The following PTPN12 variants were observed in gnomAD, a reference collection of about 807,000 sequenced individuals.
PTPN12 encodes the protein tyrosine-protein phosphatase non-receptor type 12.
PTPN12 carries 29 observed loss-of-function variants against 97.6 expected under a neutral mutation model. The ratio of observed to expected loss-of-function variants is 0.30; its 90% CI spans 0.22 to 0.41. The LOEUF (loss-of-function observed/expected upper bound fraction) is 0.41, where lower values mean the gene tolerates loss of function less well. PTPN12 is among the 10% of genes least tolerant of loss of function. The pLI, the probability that PTPN12 is intolerant of heterozygous loss-of-function variation, is 1.00. For missense variants in PTPN12, 819 were observed against 926.0 expected, an observed-to-expected ratio of 0.88 and a Z score of 1.50; for synonymous variants, 327 against 300.4, an observed-to-expected ratio of 1.09 and a Z score of -0.91.
intron 1 of PTPN12, among the ~76,000 whole-genome samples, chr7:77,540,124 A>G (rs1460372633): frequency 3.9e-5 from 6 of 152,324 alleles, no homozygotes; most frequent in East Asian, 1.9e-4. Flanking sequence ...GCGGGCCATC[A>G]GGACAGGTTG....
chr7:77,576,292 T>C (rs750294174), intron 2 of PTPN12, among the ~76,000 whole-genome samples: 3 of 152,226 alleles, frequency 2.0e-5, no homozygotes, highest in Non-Finnish European at 2.9e-5. Flanking sequence ...CATACAACTC[T>C]CTGTGTGGAC....
chr7:77,594,750 C>T (rs1393348237), intron 6 of PTPN12, among the ~76,000 whole-genome samples: 4 of 152,120 alleles, frequency 2.6e-5, no homozygotes, highest in Admixed American at 6.6e-5. Context: ...GCAGTTTGCC[C>T]GCCTTGGCCT....
Position 77,592,202 on chromosome 7 carries a change from T to C in PTPN12, c.438T>C (p.Tyr146=), listed in dbSNP as rs1304150268. 6.2e-7 allele frequency: 1 copy of C among 1,605,514 alleles called. No homozygotes were observed. Among genetic ancestry groups the C allele is most frequent in the Non-Finnish European group, 8.5e-7 (1 of 1,177,842 alleles). The change falls in exon 6 of 18, where the codon TAT becomes TAC. Residue 146 remains tyrosine (Y), a synonymous_variant. Transcript: ENST00000248594. ...GATGACAGAAAAAATGTGAGCGCTA[T>C]TGGCCTTTGTATGGAGAAGACCCCA... is the stretch of plus-strand genomic sequence containing the variant. The part of the protein sequence containing the change: ...FEMGRKKCER[Y]WPLYGEDPIT...
At chr7:77,537,680 C>T (rs1314857746) in intron 1 of PTPN12, 35 bp downstream of exon 1, 2 of 1,550,948 alleles carry the variant, frequency 1.3e-6, no homozygotes, top group Non-Finnish European at 1.7e-6. Context: ...GTTTTCTTGC[C>T]GGCGCCGGAG....
In PTPN12 at chr7:77,632,350, G is replaced by A. The variant is rs1777048673; in HGVS notation, c.1999G>A (p.Val667Ile). 6.3e-7 allele frequency: 1 copy of A among 1,596,900 alleles called. No homozygotes were observed. The highest frequency in any genetic ancestry group is 2.2e-5 in the East Asian group (1 of 44,756). ...GTTHSGAEKD[V>I]DVSEDSPPPL... ...AAATTTTTATGTGTTTAATTTAGAT[G>A]TTGATGTTAGTGAAGATTCACCTCC... Residue 667 changes from valine to isoleucine, a missense_variant and splice_region_variant, in exon 14 of 18, where the codon GTT (valine) becomes ATT (isoleucine). Physicochemically the swap from Val to Ile is conservative, Grantham distance 29. Coordinates refer to ENST00000248594, the MANE Select transcript of PTPN12 (RefSeq NM_002835.4).
rs558786390 is a variant in PTPN12 at position 77,620,764 on chromosome 7, A to G, written c.1025+2199A>G. On this transcript the variant is annotated intron_variant, in intron 12 of 17. Transcript: ENST00000248594. ...GGAGTTTAAGACCAGCCTGATCAAT[A>G]TGGTGAAACCCCGTCTCTACTAAAA... 2.0e-5 allele frequency among the ~76,000 whole-genome samples: 3 copies of G among 151,984 alleles called. No homozygotes were observed. The South Asian group carries it at 6.2e-4, about 32-fold the overall frequency.
intron 2 of PTPN12, 51 bp downstream of exon 2, chr7:77,571,237 TTGTAAC>T: frequency 2.7e-6 from 3 of 1,120,642 alleles, no homozygotes; most frequent in South Asian, 1.4e-5. Context: ...AATTAGCCTT[TTGTAAC>T]CTAACTAGTT....
At chr7:77,625,508 T>TCACTCTCACTCGCG (rs1789125333) in intron 12 of PTPN12, among the ~76,000 whole-genome samples, 1 of 108,958 alleles carries the variant, frequency 9.2e-6, no homozygotes, top group Non-Finnish European at 1.9e-5. Flanking sequence ...TCTCTCTCTC[T>TCACTCTCACTCGCG]CTCTCTCTCT....
At chr7:77,606,710 A>G (rs1265543802) in intron 8 of PTPN12, among the ~76,000 whole-genome samples, 1 of 152,268 alleles carries the variant, frequency 6.6e-6, no homozygotes, top group Non-Finnish European at 1.5e-5. Context: ...ATGCTGCACC[A>G]TTCTGAGAAG....
intron 5 of PTPN12, among the ~76,000 whole-genome samples, chr7:77,587,254 T>C (rs1440306612): frequency 2.0e-5 from 3 of 152,150 alleles, no homozygotes; most frequent in African/African-American, 7.2e-5. Context: ...AACTCAAAAT[T>C]ACTCCTTGAT....
At chr7:77,614,503 A>C (rs1178382961) in intron 11 of PTPN12, among the ~76,000 whole-genome samples, 1 of 152,198 alleles carries the variant, frequency 6.6e-6, no homozygotes, top group Non-Finnish European at 1.5e-5. Context: ...ACCTCATTGC[A>C]TGGTACATAG....
chr7:77,583,142 A>G (rs899946788), intron 3 of PTPN12, among the ~76,000 whole-genome samples: 3 of 152,190 alleles, frequency 2.0e-5, no homozygotes, highest in African/African-American at 7.2e-5. Context: ...AGTTGAATAG[A>G]TAATGGAAGG....
rs1808264942 is a variant in PTPN12 at position 77,566,541 on chromosome 7, G to A, written c.100-4537G>A. Among the ~76,000 whole-genome samples, 4 of 152,214 alleles carry A rather than the reference G, an allele frequency of 2.6e-5. No individual in the cohort carries two copies. In the South Asian group the frequency reaches 8.3e-4, roughly 32 times the overall value. ...GTTCGAGACCAGCCTGGACAACGTG[G>A]CGAAACCCCATCTCTACAAAAAATA... is the stretch of plus-strand genomic sequence containing the variant. On this transcript the variant is annotated intron_variant, in intron 1 of 17. Transcript: ENST00000248594.
intron 1 of PTPN12, among the ~76,000 whole-genome samples, chr7:77,556,438 C>G (rs1462083540): frequency 2.0e-5 from 3 of 152,108 alleles, no homozygotes; most frequent in Admixed American, 6.5e-5. Context: ...CCCAGGATGG[C>G]TTGAATGACC....
At chr7:77,592,342 C>A in intron 6 of PTPN12, 86 bp downstream of exon 6, 1 of 1,172,188 alleles carries the variant, frequency 8.5e-7, no homozygotes, top group African/African-American at 1.6e-5. Flanking sequence ...GGTATGAACC[C>A]AGGCTTATAG....
intron 1 of PTPN12, among the ~76,000 whole-genome samples, chr7:77,559,181 A>G (rs1322086924): frequency 6.6e-6 from 1 of 152,238 alleles, no homozygotes; most frequent in Admixed American, 6.5e-5. Flanking sequence ...AACGTTTCAC[A>G]CATGTTGTCA....
chr7:77,612,034 AT>A (rs1436193720), intron 11 of PTPN12, among the ~76,000 whole-genome samples: 1 of 147,480 alleles, frequency 6.8e-6, no homozygotes, highest in Admixed American at 6.9e-5. Flanking sequence ...TGAGTCTATG[AT>A]AACTATTACA....
intron 14 of PTPN12, among the ~76,000 whole-genome samples, chr7:77,633,626 C>T (rs992906480): frequency 2.6e-5 from 4 of 150,986 alleles, no homozygotes; most frequent in Admixed American, 6.6e-5. Flanking sequence ...AAAAAAGTAG[C>T]ACTTATTTAT....
chr7:77,537,420 C>T lies in PTPN12; in HGVS notation c.-127C>T, dbSNP rs1364257697. 2.7e-6 allele frequency: 3 copies of T among 1,120,014 alleles called. No individual in the cohort carries two copies. The African/African-American group carries it at 8.9e-5, about 33-fold the overall frequency. The allele number at this position is 1,120,014 out of a possible 1,614,324, so 69.4% of individuals were successfully genotyped here. On this transcript the variant is annotated 5_prime_UTR_variant, in exon 1 of 18. Transcript: ENST00000248594. ...GGCGGTGGGGAGGAGGAGGGAGCCG[C>T]GGGGCTTGGCGGGGTCGGGAGGGAG...
Sources: allele counts gnomAD v4.1 joint callset (sites outside exome capture counted in the v4.1 genomes callset), GRCh38; gene constraint gnomAD v4.1.1; transcripts MANE v1.5; gene names NCBI Gene and HGNC (gene_info 2026-07-23, HGNC 2026-07-21).